Variants in CFAP54 observed in about 807,000 individuals in gnomAD.
The protein encoded by CFAP54 is cilia and flagella associated protein 54, also known as cilia- and flagella-associated protein 54.
Under a neutral mutation model 370.4 loss-of-function variants are expected in CFAP54, and 290 were observed. That is an observed-to-expected ratio of 0.78 (90% CI 0.71 to 0.86). The LOEUF is 0.86. CFAP54 is among the 40% of genes least tolerant of loss of function. CFAP54 has a pLI of 0.00. For synonymous variants in CFAP54, 1,206 were observed against 1,236.5 expected, an observed-to-expected ratio of 0.98 and a Z score of 0.52; for missense variants, 3,399 against 3,528.7, an observed-to-expected ratio of 0.96 and a Z score of 0.93.
intron 36 of CFAP54, among the ~76,000 whole-genome samples, chr12:96,655,785 T>G (rs991701763): frequency 6.6e-6 from 1 of 152,094 alleles, no homozygotes; most frequent in Non-Finnish European, 1.5e-5. Context: ...CACATACAGT[T>G]AAAAAAATCT....
intron 39 of CFAP54, among the ~76,000 whole-genome samples, chr12:96,667,631 T>G (rs1037427113): frequency 7.9e-5 from 12 of 152,328 alleles, no homozygotes; most frequent in Non-Finnish European, 1.2e-4. Context: ...GCCCTTGACC[T>G]GACCCAGGAA....
intron 26 of CFAP54, among the ~76,000 whole-genome samples, chr12:96,617,641 A>T (rs1956434925): frequency 6.6e-6 from 1 of 152,126 alleles, no homozygotes; most frequent in African/African-American, 2.4e-5. Context: ...CACACACATT[A>T]ATTCGTGTTG....
chr12:96,525,924 T>A (rs1377627512), intron 8 of CFAP54, among the ~76,000 whole-genome samples: 1 of 152,186 alleles, frequency 6.6e-6, no homozygotes, highest in East Asian at 1.9e-4. Flanking sequence ...CTCCTGACCT[T>A]GTGATCCACC....
At chr12:96,595,561 T>C (rs1458061158) in intron 25 of CFAP54, among the ~76,000 whole-genome samples, 1 of 152,120 alleles carries the variant, frequency 6.6e-6, no homozygotes, top group African/African-American at 2.4e-5. Flanking sequence ...TTTTAGTACA[T>C]GATCAAGAAG....
rs751332925 is a variant in CFAP54, at chr12:96,681,302, C to T, written c.5716+1550C>T. ...TAGCTTCTTTCTCTATTACTTTTAA[C>T]TACTTCCCCTAGAATATAGATTTTT... is the stretch of plus-strand genomic sequence containing the variant. On this transcript the variant is annotated intron_variant, in intron 40 of 67. Transcript: ENST00000524981. 2.6e-5 allele frequency among the ~76,000 whole-genome samples: 4 copies of T among 152,008 alleles called. No homozygotes were observed. The East Asian group carries it at 5.8e-4, about 22-fold the overall frequency.
At chr12:96,561,434 C>T (rs977380407) in intron 17 of CFAP54, among the ~76,000 whole-genome samples, 2 of 152,070 alleles carry the variant, frequency 1.3e-5, no homozygotes, top group African/African-American at 4.8e-5. Context: ...ATATAAATTG[C>T]TCAGTCTCAG....
At chr12:96,845,923 C>T (rs1959330343) in intron 66 of CFAP54, among the ~76,000 whole-genome samples, 5 of 152,122 alleles carry the variant, frequency 3.3e-5, no homozygotes, top group Admixed American at 3.3e-4. Context: ...ACACGTGTCA[C>T]CCACTTAGGA....
intron 60 of CFAP54, among the ~76,000 whole-genome samples, chr12:96,774,606 G>A (rs1424105519): frequency 6.6e-6 from 1 of 151,928 alleles, no homozygotes; most frequent in African/African-American, 2.4e-5. Flanking sequence ...GCTTTTTTAT[G>A]TGTTAAGTCT....
chr12:96,553,215 T>A (rs1955714419), intron 15 of CFAP54, among the ~76,000 whole-genome samples: 1 of 152,124 alleles, frequency 6.6e-6, no homozygotes. Context: ...AGTTTTGTGT[T>A]CATAACCAAT....
At chr12:96,560,904 T>C (rs1176239720) in intron 17 of CFAP54, among the ~76,000 whole-genome samples, 1 of 152,224 alleles carries the variant, frequency 6.6e-6, no homozygotes, top group Non-Finnish European at 1.5e-5. Context: ...ATTTTCTAAT[T>C]GAATTATTCC....
In CFAP54 at chr12:96,616,360, C is replaced by T. The variant is rs375406325; in HGVS notation, c.3640-5230C>T. Among the ~76,000 whole-genome samples the T allele has an allele frequency of 7.9e-5, 10 of 126,996 alleles. No individual in the cohort carries two copies. The East Asian group carries it at 1.4e-3, about 17-fold the overall frequency. The allele number at this position is 126,996 out of a possible 152,430, so 83.3% of individuals were successfully genotyped here. On this transcript the variant is annotated intron_variant, in intron 26 of 67. Transcript: ENST00000524981. Reference sequence around the variant, plus strand: ...GGGAACATCACACACCGGGGCCTGTCGTGGGGTGGTGGGAGGGGGGAGGGA... The same window carrying T: ...GGGAACATCACACACCGGGGCCTGTTGTGGGGTGGTGGGAGGGGGGAGGGA...
At chr12:96,766,264 G>A (rs1309981272) in intron 60 of CFAP54, among the ~76,000 whole-genome samples, 1 of 151,812 alleles carries the variant, frequency 6.6e-6, no homozygotes, top group Non-Finnish European at 1.5e-5. Flanking sequence ...TTTTTTTTAC[G>A]CTGAGGTTTT....
chr12:96,533,755 A>T, intron 9 of CFAP54, 37 bp from the exon 10 acceptor site: 1 of 1,378,884 alleles, frequency 7.3e-7, no homozygotes, highest in Non-Finnish European at 9.6e-7. Context: ...ATTTATTTGC[A>T]TGAGTGATAT....
chr12:96,802,968 G>A (rs1958838027), intron 63 of CFAP54, among the ~76,000 whole-genome samples: 1 of 152,094 alleles, frequency 6.6e-6, no homozygotes, highest in Non-Finnish European at 1.5e-5. Context: ...TGAGAAAATG[G>A]TTTCCAACTT....
At chr12:96,820,426 G>T (rs1959019255) in intron 65 of CFAP54, among the ~76,000 whole-genome samples, 1 of 152,148 alleles carries the variant, frequency 6.6e-6, no homozygotes, top group Non-Finnish European at 1.5e-5. Context: ...GAATTCATCA[G>T]TAGAGTGAAT....
chr12:96,865,406 A>G (rs1263026906), intron 67 of CFAP54, among the ~76,000 whole-genome samples: 1 of 152,216 alleles, frequency 6.6e-6, no homozygotes. Flanking sequence ...ATTGTATACT[A>G]TTTGTATAAA....
intron 26 of CFAP54, among the ~76,000 whole-genome samples, chr12:96,600,805 A>AT (rs1168248837): frequency 3.3e-5 from 5 of 152,160 alleles, no homozygotes; most frequent in African/African-American, 1.2e-4. Context: ...TTGCACATTG[A>AT]TTTTGTATTC....
intron 32 of CFAP54, among the ~76,000 whole-genome samples, chr12:96,632,435 A>G (rs1017291318): frequency 1.3e-5 from 2 of 152,004 alleles, no homozygotes; most frequent in Non-Finnish European, 2.9e-5. Flanking sequence ...GTATGGTGAG[A>G]AGATGAGTCC....
At chr12:96,770,006 A>T (rs577056200) in intron 60 of CFAP54, among the ~76,000 whole-genome samples, 223 of 152,284 alleles carry the variant, frequency 1.5e-3, no homozygotes, top group African/African-American at 5.1e-3. Context: ...TACAGGGTCG[A>T]TAACAACTAA....
Sources: gnomAD v4.1 joint callset for allele counts (sites outside exome capture counted in the v4.1 genomes callset) on GRCh38, gnomAD v4.1.1 for gene constraint, MANE v1.5 for transcripts, NCBI Gene and HGNC (gene_info 2026-07-23, HGNC 2026-07-21) for gene names.